Variants in SCN8A observed in about 807,000 individuals in gnomAD.
The protein encoded by SCN8A is sodium channel protein type 8 subunit alpha.
A neutral mutation model predicts 184.1 loss-of-function variants in SCN8A; 30 were observed. The ratio of observed to expected loss-of-function variants is 0.16; its 90% CI spans 0.12 to 0.22. The LOEUF (loss-of-function observed/expected upper bound fraction) is 0.22, where lower values mean the gene tolerates loss of function less well. Ranked by LOEUF, SCN8A falls within the 10% of genes least tolerant of loss-of-function variation. SCN8A has a pLI of 1.00. For missense variants in SCN8A, 1,057 were observed against 2,498.9 expected (o/e 0.42, Z 12.30); for synonymous variants, 852 against 907.0 (o/e 0.94, Z 1.09).
intron 1 of SCN8A, among the ~76,000 whole-genome samples, chr12:51,653,782 C>T (rs1464212472): frequency 6.6e-6 from 1 of 152,172 alleles, no homozygotes; most frequent in Non-Finnish European, 1.5e-5. Flanking sequence ...CCTTTACCAC[C>T]AGCAGAGCAC....
At chr12:51,613,069 T>C (rs1012684437) in intron 1 of SCN8A, among the ~76,000 whole-genome samples, 2 of 152,178 alleles carry the variant, frequency 1.3e-5, no homozygotes, top group Non-Finnish European at 2.9e-5. Context: ...CTGTGTTCAC[T>C]AGGATATTGG....
At chr12:51,731,811 C>G (rs977430052) in intron 12 of SCN8A, among the ~76,000 whole-genome samples, 2 of 152,150 alleles carry the variant, frequency 1.3e-5, no homozygotes, top group East Asian at 3.8e-4. Flanking sequence ...TTGCATTTCT[C>G]TGATGATCGT....
chr12:51,715,403 G>A (rs1404735985), intron 11 of SCN8A, among the ~76,000 whole-genome samples: 1 of 152,074 alleles, frequency 6.6e-6, no homozygotes, highest in Non-Finnish European at 1.5e-5. Flanking sequence ...CAAGAGGGCA[G>A]GGACCATGTC....
Position 51,712,929 on chromosome 12 carries a change from G to A in SCN8A, c.1635+6214G>A, listed in dbSNP as rs370043456. ...CTCCACCACCTCCAAAGCTTCCTCC[G>A]CAACCCATAAAATTGCCAGATCCAC... On this transcript the variant is annotated intron_variant, in intron 11 of 26. Transcript: ENST00000627620. 41 of 1,590,890 alleles carry A rather than the reference G, an allele frequency of 2.6e-5. No individual in the cohort carries two copies. The Admixed American group carries it at 5.7e-4, about 22-fold the overall frequency.
chr12:51,791,935 AT>A (rs1345389519), intron 25 of SCN8A, among the ~76,000 whole-genome samples: 1 of 152,200 alleles, frequency 6.6e-6, no homozygotes, highest in Non-Finnish European at 1.5e-5. Flanking sequence ...ATAAAGAGTG[AT>A]TAACATTCAT....
chr12:51,629,901 A>T (rs1429946397), intron 1 of SCN8A, among the ~76,000 whole-genome samples: 1 of 152,134 alleles, frequency 6.6e-6, no homozygotes, highest in Non-Finnish European at 1.5e-5. Context: ...GGCCATGCAG[A>T]GCACTGAGGT....
intron 11 of SCN8A, among the ~76,000 whole-genome samples, chr12:51,715,327 G>C (rs984199362): frequency 3.9e-5 from 6 of 151,998 alleles, no homozygotes; most frequent in Non-Finnish European, 7.4e-5. Flanking sequence ...TATCCTTAAG[G>C]TTAAGAATAG....
At chr12:51,668,108 G>A (rs1941067585) in intron 2 of SCN8A, among the ~76,000 whole-genome samples, 1 of 151,422 alleles carries the variant, frequency 6.6e-6, no homozygotes, top group East Asian at 1.9e-4. Flanking sequence ...GCTTGAACCC[G>A]GGAGGTGGAG....
intron 1 of SCN8A, among the ~76,000 whole-genome samples, 194 bp downstream of exon 1, chr12:51,591,553 T>C (rs1279827723): frequency 6.6e-6 from 1 of 152,148 alleles, no homozygotes; most frequent in South Asian, 2.1e-4. Context: ...GAACTCTTGC[T>C]TCCTTCTACT....
At chr12:51,598,597 A>C (rs1413503823) in intron 1 of SCN8A, among the ~76,000 whole-genome samples, 1 of 152,184 alleles carries the variant, frequency 6.6e-6, no homozygotes, top group East Asian at 1.9e-4. Flanking sequence ...CTCTGTTGAC[A>C]GTTTCTCTTC....
chr12:51,648,486 A>G (rs1940640466), intron 1 of SCN8A, among the ~76,000 whole-genome samples: 1 of 152,144 alleles, frequency 6.6e-6, no homozygotes, highest in Non-Finnish European at 1.5e-5. Flanking sequence ...ATAAAGACAT[A>G]CCTGAGACTG....
intron 12 of SCN8A, among the ~76,000 whole-genome samples, chr12:51,724,784 T>C (rs1054440189): frequency 6.6e-6 from 1 of 152,226 alleles, no homozygotes. Context: ...AAAAAGGTAT[T>C]AGAGAAGGTA....
At chr12:51,697,778 A>G (rs958156004) in intron 6 of SCN8A, among the ~76,000 whole-genome samples, 2 of 152,228 alleles carry the variant, frequency 1.3e-5, no homozygotes, top group Non-Finnish European at 2.9e-5. Context: ...TCAGACAATA[A>G]TGGTCAACAT....
chr12:51,633,943 A>G (rs981980494), intron 1 of SCN8A, among the ~76,000 whole-genome samples: 2 of 152,338 alleles, frequency 1.3e-5, no homozygotes, highest in Admixed American at 6.5e-5. Flanking sequence ...GAACCCATTC[A>G]TTATACTCCT....
At chr12:51,789,566 C>G in intron 24 of SCN8A, 148 bp downstream of exon 24, 1 of 864,944 alleles carries the variant, frequency 1.2e-6, no homozygotes, top group Non-Finnish European at 1.8e-6. Flanking sequence ...CATACGTTAG[C>G]CCCAACCCAC....
intron 13 of SCN8A, among the ~76,000 whole-genome samples, chr12:51,746,264 G>A (rs1451456652): frequency 6.6e-6 from 1 of 152,142 alleles, no homozygotes; most frequent in East Asian, 1.9e-4. Flanking sequence ...ACACAGGTAC[G>A]TAAGAGATAG....
intron 1 of SCN8A, among the ~76,000 whole-genome samples, chr12:51,597,291 T>A (rs1344544003): frequency 6.6e-6 from 1 of 152,160 alleles, no homozygotes; most frequent in African/African-American, 2.4e-5. Flanking sequence ...TCACTGGGCA[T>A]GTCCCAGGAT....
intron 2 of SCN8A, among the ~76,000 whole-genome samples, chr12:51,664,212 CTT>C (rs747228979): frequency 4.2e-5 from 6 of 142,982 alleles, no homozygotes; most frequent in Non-Finnish European, 3.1e-5. Context: ...TTATTATTTA[CTT>C]TTTTTTTTTT....
chr12:51,753,486 C>A (rs1250052608), intron 14 of SCN8A, among the ~76,000 whole-genome samples: 4 of 152,102 alleles, frequency 2.6e-5, no homozygotes, highest in African/African-American at 9.7e-5. Flanking sequence ...GTGGAGATGC[C>A]AAATAAGGAA....
Sources: allele counts gnomAD v4.1 joint callset (sites outside exome capture counted in the v4.1 genomes callset), GRCh38; gene constraint gnomAD v4.1.1; transcripts MANE v1.5; gene names NCBI Gene and HGNC (gene_info 2026-07-23, HGNC 2026-07-21).